The following ADCY10 variants were observed in gnomAD, a reference collection of about 807,000 sequenced individuals.
The protein encoded by ADCY10 is adenylate cyclase 10.
ADCY10 carries 156 observed loss-of-function variants against 183.3 expected under a neutral mutation model. The ratio of observed to expected loss-of-function variants is 0.85; its 90% CI spans 0.75 to 0.97. The LOEUF is 0.97. Ranked by LOEUF, ADCY10 falls within the 50% of genes least tolerant of loss-of-function variation. The probability of loss-of-function intolerance (pLI) is 0.00; values close to 1 mark genes in which losing one functional copy is unlikely to be tolerated. For synonymous variants in ADCY10, 645 were observed against 670.0 expected (o/e 0.96, Z 0.58); for missense variants, 1,745 against 1,934.3 (o/e 0.90, Z 1.84).
At position 167,829,397 on chromosome 1, in the gene ADCY10, C is replaced by A; in HGVS notation, c.3620G>T (p.Arg1207Leu). 1.2e-6 allele frequency: 2 copies of A among 1,614,092 alleles called. No individual in the cohort carries two copies. The highest frequency in any genetic ancestry group is 1.7e-6 in the Non-Finnish European group (2 of 1,179,976). The change falls in exon 26 of 33, where the codon CGG becomes CTG. Residue 1207 changes from arginine (R) to leucine (L), a missense_variant. Arg to Leu is a moderately radical substitution (Grantham distance 102). Transcript: ENST00000367851. Reference protein sequence around the residue: ...PGKKRLAQLYRQTVCLSLLWR... With the variant: ...PGKKRLAQLYLQTVCLSLLWR... ...CAGCAAGGAAAGGCAGACAGTTTGC[C>A]GGTAAAGTTGTGCCAGCCTCTTCTT...
Position 167,810,700 on chromosome 1 carries a change from C to T in ADCY10, c.4671+25G>A, listed in dbSNP as rs3830184. 2,422 of 1,613,288 alleles carry T rather than the reference C, an allele frequency of 1.5e-3. 38 individuals carry two copies. In the Admixed American group the frequency reaches 0.03, roughly 20 times the overall value. ...TTTATATGGGTGAGCATCGCCACCC[C>T]GGTTTGCTAGCTGATGATACATACT... On this transcript the variant is annotated intron_variant, in intron 32 of 32. Coordinates refer to ENST00000367851, the MANE Select transcript of ADCY10 (RefSeq NM_018417.6).
intron 3 of ADCY10, among the ~76,000 whole-genome samples, chr1:167,902,934 T>C (rs1669541365): frequency 6.6e-6 from 1 of 152,190 alleles, no homozygotes; most frequent in African/African-American, 2.4e-5. Flanking sequence ...TGACTATCTT[T>C]GGGTTTTATA....
At chr1:167,814,560 T>C (rs1662409795) in intron 31 of ADCY10, among the ~76,000 whole-genome samples, 1 of 152,066 alleles carries the variant, frequency 6.6e-6, no homozygotes, top group South Asian at 2.1e-4. Context: ...AGTTCTATAA[T>C]AGTAGTTGGA....
At chr1:167,831,264 A>T (rs1040782551) in intron 25 of ADCY10, among the ~76,000 whole-genome samples, 4 of 151,868 alleles carry the variant, frequency 2.6e-5, no homozygotes, top group African/African-American at 9.7e-5. Context: ...ATCTTGGCTC[A>T]CTTTAACCTC....
chr1:167,844,141 CA>C, intron 21 of ADCY10, among the ~76,000 whole-genome samples: 1 of 152,206 alleles, frequency 6.6e-6, no homozygotes, highest in Middle Eastern at 3.4e-3. Flanking sequence ...ATATAACAAA[CA>C]AGAGAGAATT....
chr1:167,856,064 G>T, intron 17 of ADCY10, 101 bp downstream of exon 17: 1 of 1,341,508 alleles, frequency 7.5e-7, no homozygotes, highest in South Asian at 1.3e-5. Flanking sequence ...GAAAGATACT[G>T]AAATAGGCAC....
At chr1:167,863,693 C>T (rs911396080) in intron 14 of ADCY10, among the ~76,000 whole-genome samples, 32 of 152,226 alleles carry the variant, frequency 2.1e-4, no homozygotes, top group South Asian at 4.1e-4. Context: ...CAGAGTGACG[C>T]GGATCCTGAG....
chr1:167,875,185 T>C lies in ADCY10; in HGVS notation c.1408A>G (p.Met470Val). The change falls in exon 13 of 33, where the codon ATG becomes GTG. Residue 470 changes from methionine (M) to valine (V), a missense_variant and splice_region_variant. By Grantham distance (21) the Met-to-Val change is conservative. Coordinates refer to ENST00000367851, the MANE Select transcript of ADCY10 (RefSeq NM_018417.6). ...CAGATGAGGCACGCCATACCAAACA[T>C]GCTGAAGAGAAGAACAAAAGAACAG... ...YQYWGRTEKV[M>V]FGMACLICNR... 1.9e-6 allele frequency: 3 copies of C among 1,614,090 alleles called. No individual in the cohort carries two copies. Among genetic ancestry groups the C allele is most frequent in the African/African-American group, 1.3e-5 (1 of 75,056 alleles).
intron 1 of ADCY10, among the ~76,000 whole-genome samples, chr1:167,906,369 A>G (rs1669814431): frequency 6.6e-6 from 1 of 152,110 alleles, no homozygotes; most frequent in Non-Finnish European, 1.5e-5. Flanking sequence ...AAGGTTTAAA[A>G]AAAAAAAGGG....
chr1:167,898,594 GTT>G lies in ADCY10; in HGVS notation c.642+827_642+828del, dbSNP rs67534872. Among the ~76,000 whole-genome samples the G allele has an allele frequency of 6.9e-4, 101 of 146,566 alleles. No individual in the cohort carries two copies. The East Asian group carries it at 0.013, about 18-fold the overall frequency. ...AGCCTGGTCAACAGAGCGAGACTCC[GTT>G]TTTTTTTTTTTAAAAAAAGAATGAT... On this transcript the variant is annotated intron_variant, in intron 6 of 32. Transcript: ENST00000367851.
At chr1:167,835,203 C>T (rs1358114717) in intron 23 of ADCY10, among the ~76,000 whole-genome samples, 1 of 152,146 alleles carries the variant, frequency 6.6e-6, no homozygotes, top group Non-Finnish European at 1.5e-5. Flanking sequence ...GGAAGGTTAG[C>T]CCAGCCAGCT....
rs1450116997 is a variant in ADCY10 at position 167,837,240 on chromosome 1, T to C, written c.3077+9A>G. ...GCTCTACTTCCTAAACAATGATATA[T>C]GCCTCTACCTGCGATTTTCAGGAAA... is the stretch of plus-strand genomic sequence containing the variant. On this transcript the variant is annotated intron_variant, in intron 22 of 32. Coordinates refer to ENST00000367851, the MANE Select transcript of ADCY10 (RefSeq NM_018417.6). The C allele has an allele frequency of 1.2e-6, 2 of 1,605,126 alleles. No individual in the cohort carries two copies. Among genetic ancestry groups the C allele is most frequent in the Non-Finnish European group, 1.7e-6 (2 of 1,171,864 alleles).
intron 13 of ADCY10, among the ~76,000 whole-genome samples, chr1:167,870,638 C>CAAAAA (rs58787930): frequency 1.1e-5 from 1 of 93,736 alleles, no homozygotes; most frequent in Non-Finnish European, 2.0e-5. Flanking sequence ...ACTGAAAATA[C>CAAAAA]AAAAAAAAAA....
Position 167,886,617 on chromosome 1 carries a change from C to CA in ADCY10, c.829-2990dup, listed in dbSNP as rs565541121. Among the ~76,000 whole-genome samples, 41 of 152,258 alleles carry CA rather than the reference C, an allele frequency of 2.7e-4. No homozygotes were observed. In the South Asian group the frequency reaches 8.5e-3, roughly 32 times the overall value. On this transcript the variant is annotated intron_variant, in intron 8 of 32. Transcript: ENST00000367851. ...ACCCTAGAAGAAACCTAGGCAATACCATTCAGTACATAGGCATGGGCAAGG... is the reference window on the plus strand; with the variant it reads ...ACCCTAGAAGAAACCTAGGCAATACCAATTCAGTACATAGGCATGGGCAAGG...
At chr1:167,895,225 C>T (rs999461123) in intron 7 of ADCY10, among the ~76,000 whole-genome samples, 2 of 151,198 alleles carry the variant, frequency 1.3e-5, no homozygotes, top group Non-Finnish European at 1.5e-5. Flanking sequence ...TTATGGTGCT[C>T]AAAGTAAGGC....
At chr1:167,854,950 T>C (rs1289686084) in intron 17 of ADCY10, among the ~76,000 whole-genome samples, 1 of 152,194 alleles carries the variant, frequency 6.6e-6, no homozygotes, top group Non-Finnish European at 1.5e-5. Context: ...GGCAACCTCA[T>C]TGCAGATACT....
chr1:167,857,035 C>A (rs1665962244), intron 16 of ADCY10, among the ~76,000 whole-genome samples: 1 of 152,214 alleles, frequency 6.6e-6, no homozygotes, highest in Non-Finnish European at 1.5e-5. Context: ...TTTATTCACT[C>A]ATTAAGCATT....
chr1:167,880,227 A>G (rs927335692), intron 10 of ADCY10, 36 bp from the exon 11 acceptor site: 13 of 1,557,830 alleles, frequency 8.3e-6, no homozygotes, highest in Admixed American at 6.8e-5. Flanking sequence ...GGGGAAAGAA[A>G]TAAAGATAAT....
intron 4 of ADCY10, 24 bp from the exon 5 acceptor site, chr1:167,901,829 G>A (rs1669447966): frequency 1.2e-6 from 2 of 1,614,116 alleles, no homozygotes; most frequent in Middle Eastern, 1.6e-4. Flanking sequence ...CATGCCGCGG[G>A]CTTTTGACCT....
Sources: allele counts gnomAD v4.1 joint callset (sites outside exome capture counted in the v4.1 genomes callset), GRCh38; gene constraint gnomAD v4.1.1; transcripts MANE v1.5; gene names NCBI Gene and HGNC (gene_info 2026-07-23, HGNC 2026-07-21).